The following WEE2 variants were observed in gnomAD, a reference collection of about 807,000 sequenced individuals.
The protein encoded by WEE2 is WEE2 oocyte meiosis inhibiting kinase.
Under a neutral mutation model 60.1 loss-of-function variants are expected in WEE2, and 50 were observed. The ratio of observed to expected loss-of-function variants is 0.83; its 90% CI spans 0.66 to 1.05. The LOEUF is 1.05. WEE2 is among the 50% of genes least tolerant of loss of function. The pLI, the probability that WEE2 is intolerant of heterozygous loss-of-function variation, is 0.00. For missense variants in WEE2, 631 were observed against 684.3 expected (o/e 0.92, Z 0.87); for synonymous variants, 240 against 241.0 (o/e 1.00, Z 0.04).
At chr7:141,727,688 TG>T (rs754434871) in intron 10 of WEE2, 5 of 473,940 alleles carry the variant, frequency 1.1e-5, no homozygotes, top group Non-Finnish European at 1.8e-5. Context: ...GAAGCAAGAG[TG>T]AGGAATATAA....
chr7:141,719,137 A>T lies in WEE2; in HGVS notation c.651A>T (p.Lys217Asn), dbSNP rs1798858543. ...AAAAAGAATTCTTGGAGGTTGAAAAAATTGGGGTTGGCGAATTTGGTACAG... is the reference window on the plus strand; with the variant it reads ...AAAAAGAATTCTTGGAGGTTGAAAATATTGGGGTTGGCGAATTTGGTACAG... ...RYEKEFLEVEKIGVGEFGTVY... is the reference protein window; with the variant it reads ...RYEKEFLEVENIGVGEFGTVY... The change falls in exon 4 of 12, where the codon AAA becomes AAT. Residue 217 changes from lysine (K) to asparagine (N), a missense_variant. By Grantham distance (94) the Lys-to-Asn change is moderately conservative (BLOSUM62 0). Transcript: ENST00000397541. The T allele has an allele frequency of 6.2e-7, 1 of 1,614,008 alleles. No individual in the cohort carries two copies. Among genetic ancestry groups the T allele is most frequent in the African/African-American group, 1.3e-5 (1 of 74,930 alleles).
chr7:141,720,185 T>C (rs1390835935), intron 4 of WEE2, among the ~76,000 whole-genome samples: 1 of 138,270 alleles, frequency 7.2e-6, no homozygotes, highest in Non-Finnish European at 1.5e-5. Flanking sequence ...AGATGGAATC[T>C]AGCTCTGTTG....
intron 1 of WEE2, among the ~76,000 whole-genome samples, chr7:141,710,251 G>A (rs1294973127): frequency 4.0e-5 from 6 of 151,480 alleles, no homozygotes; most frequent in Non-Finnish European, 8.8e-5. Flanking sequence ...GGCACTATGT[G>A]ATAAGTGTGG....
chr7:141,726,958 G>A (rs1374506581), intron 9 of WEE2, among the ~76,000 whole-genome samples: 1 of 152,244 alleles, frequency 6.6e-6, no homozygotes, highest in Non-Finnish European at 1.5e-5. Flanking sequence ...ACTGGAGTAA[G>A]AGTTGGGCAA....
chr7:141,725,803 G>C (rs1314754722), intron 9 of WEE2, among the ~76,000 whole-genome samples: 1 of 152,172 alleles, frequency 6.6e-6, no homozygotes, highest in African/African-American at 2.4e-5. Flanking sequence ...TTATCCTGCA[G>C]TTGAGGAAAC....
chr7:141,712,158 T>G (rs1798719521), intron 1 of WEE2, among the ~76,000 whole-genome samples: 1 of 152,136 alleles, frequency 6.6e-6, no homozygotes, highest in Non-Finnish European at 1.5e-5. Context: ...ATACCAGGAT[T>G]CAAGCATCAG....
At chr7:141,722,404 CA>C (rs879331701) in intron 5 of WEE2, among the ~76,000 whole-genome samples, 6 of 148,750 alleles carry the variant, frequency 4.0e-5, no homozygotes, top group Admixed American at 1.3e-4. Flanking sequence ...GACTCCGTCT[CA>C]AAAAAAAAGA....
chr7:141,724,444 G>A (rs1798975849), intron 8 of WEE2, among the ~76,000 whole-genome samples, 169 bp downstream of exon 8: 1 of 152,200 alleles, frequency 6.6e-6, no homozygotes, highest in South Asian at 2.1e-4. Flanking sequence ...AAAAAGTGAG[G>A]AAAGCTGGCT....
At chr7:141,715,278 CT>C (rs1282281484) in intron 2 of WEE2, among the ~76,000 whole-genome samples, 2 of 152,186 alleles carry the variant, frequency 1.3e-5, no homozygotes, top group African/African-American at 4.8e-5. Flanking sequence ...CTTAAGGAGT[CT>C]CTGTAAATCA....
intron 10 of WEE2, 65 bp from the exon 11 acceptor site, chr7:141,729,466 T>C (rs773193055): frequency 1.9e-6 from 3 of 1,599,240 alleles, no homozygotes; most frequent in African/African-American, 1.3e-5. Flanking sequence ...TATATATTAG[T>C]TTTGATCATA....
At chr7:141,724,867 T>G (rs1426127193) in intron 8 of WEE2, among the ~76,000 whole-genome samples, 159 bp from the exon 9 acceptor site, 1 of 152,244 alleles carries the variant, frequency 6.6e-6, no homozygotes, top group Non-Finnish European at 1.5e-5. Context: ...TCGTGTTCTC[T>G]CTTCTCTAGA....
rs756732438 is a variant in WEE2 at position 141,708,951 on chromosome 7, G to A, written c.193G>A (p.Glu65Lys). ...TTGGACTCCCCTTAGCAACGTGCATGAGCTCGACACATCTTCGGAAAAAGA... is the reference window on the plus strand; with the variant it reads ...TTGGACTCCCCTTAGCAACGTGCATAAGCTCGACACATCTTCGGAAAAAGA... ...PPWTPLSNVH[E>K]LDTSSEKDKE... Residue 65 changes from glutamate (E) to lysine (K), a missense_variant, in exon 1 of 12, where the codon GAG becomes AAG. Coordinates refer to ENST00000397541, the MANE Select transcript of WEE2 (RefSeq NM_001105558.1). 1.9e-6 allele frequency: 3 copies of A among 1,614,174 alleles called. No individual in the cohort carries two copies. The highest frequency in any genetic ancestry group is 2.2e-5 in the East Asian group (1 of 44,884).
In WEE2 at chr7:141,727,775, A is replaced by G. The variant is rs535018066; in HGVS notation, c.1535+329A>G. ...AGTAACTGGTTGGTGATCACCTAATATAAGATAACCACAGGTAAGATGGGT... is the reference window on the plus strand; with the variant it reads ...AGTAACTGGTTGGTGATCACCTAATGTAAGATAACCACAGGTAAGATGGGT... On this transcript the variant is annotated intron_variant, in intron 10 of 11. Coordinates refer to ENST00000397541, the MANE Select transcript of WEE2 (RefSeq NM_001105558.1). 18 of 261,702 alleles carry G rather than the reference A, an allele frequency of 6.9e-5. No homozygotes were observed. The South Asian group carries it at 1.6e-3, about 23-fold the overall frequency. 16.2% of individuals were successfully genotyped at this position (261,702 alleles called of 1,614,324 possible).
At chr7:141,712,337 C>T (rs533192133) in intron 1 of WEE2, among the ~76,000 whole-genome samples, 1 of 152,306 alleles carries the variant, frequency 6.6e-6, no homozygotes, top group South Asian at 2.1e-4. Context: ...TCACCATCTT[C>T]ATAAGTCAAG....
intron 5 of WEE2, among the ~76,000 whole-genome samples, chr7:141,722,604 G>A (rs929838791): frequency 1.3e-5 from 2 of 152,070 alleles, no homozygotes; most frequent in African/African-American, 4.8e-5. Context: ...AATATTTTAT[G>A]ATCTATTTCT....
chr7:141,731,044 G>T lies in WEE2; in HGVS notation c.*724G>T, dbSNP rs1025004992. The T allele has an allele frequency of 2.6e-5, 4 of 152,060 alleles. No homozygotes were observed. Among genetic ancestry groups the T allele is most frequent in the African/African-American group, 9.7e-5 (4 of 41,396 alleles). The allele number at this position is 152,060 out of a possible 1,614,324, so 9.4% of individuals were successfully genotyped here. The stretch of plus-strand genomic sequence containing the variant: ...AGAATTGAGTGGGTCAGTAGTAACA[G>T]GTCTTGGTGGCAAGTCTCAGCTTCA... On this transcript the variant is annotated 3_prime_UTR_variant, in exon 12 of 12. Coordinates refer to ENST00000397541, the MANE Select transcript of WEE2 (RefSeq NM_001105558.1).
Position 141,724,038 on chromosome 7 carries a change from G to C in WEE2, c.1125G>C (p.Met375Ile). ...EADWFLSANV[M>I]YKIGDLGHAT... ...ATTGGTTTCTCTCTGCCAATGTGATGTATAAAATTGGTTAGTCTGCCTTAT... is the reference window on the plus strand; with the variant it reads ...ATTGGTTTCTCTCTGCCAATGTGATCTATAAAATTGGTTAGTCTGCCTTAT... The change falls in exon 7 of 12, where the codon ATG becomes ATC. Residue 375 changes from methionine to isoleucine, a missense_variant. By Grantham distance (10) the Met-to-Ile change is conservative. Transcript: ENST00000397541. 1 of 1,611,568 alleles carries C rather than the reference G, an allele frequency of 6.2e-7. No homozygotes were observed.
chr7:141,708,681 TC>T lies in WEE2; in HGVS notation c.-76del. On this transcript the variant is annotated 5_prime_UTR_variant, in exon 1 of 12. Transcript: ENST00000397541. ...GAAACCTGCAGGTTAAGTTATTTTC[TC>T]CTCCCTGCTTCTGTAGGTTCACAGC... is the stretch of plus-strand genomic sequence containing the variant. 4 of 1,285,406 alleles carry T rather than the reference TC, an allele frequency of 3.1e-6. No individual in the cohort carries two copies. The highest frequency in any genetic ancestry group is 4.3e-6 in the Non-Finnish European group (4 of 922,562). 79.6% of individuals were successfully genotyped at this position (1,285,406 alleles called of 1,614,324 possible). A position where few individuals can be genotyped will look rare whatever the true frequency, so the allele number is the denominator to read the frequency against.
chr7:141,719,363 C>A, intron 4 of WEE2, 119 bp downstream of exon 4: 1 of 959,682 alleles, frequency 1.0e-6, no homozygotes, highest in Non-Finnish European at 1.5e-6. Flanking sequence ...TTAAAATCAC[C>A]CCACATTATA....
Sources: gnomAD v4.1 joint callset for allele counts (sites outside exome capture counted in the v4.1 genomes callset) on GRCh38, gnomAD v4.1.1 for gene constraint, MANE v1.5 for transcripts, NCBI Gene and HGNC (gene_info 2026-07-23, HGNC 2026-07-21) for gene names.